CTNNA3: variants seen among roughly 807,000 people sequenced by gnomAD.
CTNNA3 encodes the protein catenin alpha-3.
CTNNA3 carries 76 observed loss-of-function variants against 95.7 expected under a neutral mutation model. The observed-to-expected ratio is 0.79, with a 90% CI of 0.66 to 0.96. The LOEUF (loss-of-function observed/expected upper bound fraction) is 0.96. CTNNA3 is among the 40% of genes least tolerant of loss of function. The pLI is 0.00. For missense variants in CTNNA3, 1,191 were observed against 1,089.8 expected (o/e 1.09, Z -1.31); for synonymous variants, 431 against 374.4 (o/e 1.15, Z -1.74).
intron 1 of CTNNA3, among the ~76,000 whole-genome samples, chr10:67,738,637 C>T (rs1173445166): frequency 6.6e-6 from 1 of 151,842 alleles, no homozygotes; most frequent in East Asian, 1.9e-4. Flanking sequence ...GATCAAACTA[C>T]TCTGAGCTAA....
chr10:65,946,239 C>G (rs1026270877), intron 17 of CTNNA3, among the ~76,000 whole-genome samples: 3 of 152,050 alleles, frequency 2.0e-5, no homozygotes, highest in African/African-American at 7.2e-5. Context: ...CATTAATAAG[C>G]ACTCATTTTC....
chr10:66,567,938 G>A (rs746913091), intron 10 of CTNNA3, among the ~76,000 whole-genome samples: 30 of 152,180 alleles, frequency 2.0e-4, no homozygotes, highest in Non-Finnish European at 3.4e-4. Context: ...TGTTATAACT[G>A]ACACAGTTGC....
intron 17 of CTNNA3, among the ~76,000 whole-genome samples, chr10:65,957,746 G>A (rs959175261): frequency 4.6e-5 from 7 of 152,290 alleles, no homozygotes; most frequent in Non-Finnish European, 8.8e-5. Context: ...AGTTTCTGCC[G>A]AGAGATCTGC....
intron 1 of CTNNA3, among the ~76,000 whole-genome samples, chr10:67,656,955 C>T (rs763273022): frequency 3.3e-5 from 5 of 152,178 alleles, no homozygotes; most frequent in Middle Eastern, 3.4e-3. Context: ...GTGAATAGAA[C>T]GAAGTACGAA....
At chr10:65,960,172 A>T (rs549743925) in intron 17 of CTNNA3, among the ~76,000 whole-genome samples, 1 of 152,304 alleles carries the variant, frequency 6.6e-6, no homozygotes, top group South Asian at 2.1e-4. Context: ...TCAACCTTTC[A>T]TTCATTTCTA....
intron 5 of CTNNA3, among the ~76,000 whole-genome samples, chr10:67,325,553 T>C (rs1276240863): frequency 5.3e-5 from 8 of 152,200 alleles, no homozygotes; most frequent in Admixed American, 3.3e-4. Context: ...AGTGAATTTG[T>C]TAGTCTTGAT....
At chr10:65,972,799 C>T (rs190942207) in intron 16 of CTNNA3, among the ~76,000 whole-genome samples, 2 of 151,806 alleles carry the variant, frequency 1.3e-5, no homozygotes, top group East Asian at 3.9e-4. Flanking sequence ...CAATGCTATT[C>T]CTATCAAGCA....
At chr10:67,625,575 T>G (rs1838923855) in intron 2 of CTNNA3, among the ~76,000 whole-genome samples, 1 of 152,220 alleles carries the variant, frequency 6.6e-6, no homozygotes, top group African/African-American at 2.4e-5. Flanking sequence ...AAAAGAAAAC[T>G]TTTTAGAGAG....
intron 5 of CTNNA3, among the ~76,000 whole-genome samples, chr10:67,293,463 T>G (rs1054649763): frequency 2.6e-5 from 4 of 152,236 alleles, no homozygotes; most frequent in Non-Finnish European, 4.4e-5. Context: ...TACTTATGAC[T>G]GGAACATGTT....
chr10:66,625,126 A>C (rs1844888063), intron 9 of CTNNA3, among the ~76,000 whole-genome samples: 1 of 152,210 alleles, frequency 6.6e-6, no homozygotes, highest in African/African-American at 2.4e-5. Context: ...AGAAGTCTTC[A>C]AACAGGGATA....
intron 7 of CTNNA3, among the ~76,000 whole-genome samples, chr10:67,011,495 G>A (rs112382690): frequency 0.014 from 2,135 of 152,252 alleles, 45 homozygotes; most frequent in African/African-American, 0.043. Context: ...GTGCTGCATT[G>A]TCTTTCTGGA....
intron 13 of CTNNA3, among the ~76,000 whole-genome samples, chr10:66,192,637 G>C (rs2086742157): frequency 6.6e-6 from 1 of 152,058 alleles, no homozygotes; most frequent in African/African-American, 2.4e-5. Flanking sequence ...CCCATTTCTA[G>C]TTTCACTACC....
At chr10:66,371,800 C>T (rs1030375631) in intron 12 of CTNNA3, among the ~76,000 whole-genome samples, 1 of 152,124 alleles carries the variant, frequency 6.6e-6, no homozygotes, top group Non-Finnish European at 1.5e-5. Context: ...CAGGTACTCA[C>T]CCCTATGCAT....
rs535888156 is a variant in CTNNA3, at chr10:67,491,404, C to A, written c.579+30438G>T. 3.3e-5 allele frequency among the ~76,000 whole-genome samples: 5 copies of A among 152,244 alleles called. No individual in the cohort carries two copies. The South Asian group carries it at 1.0e-3, about 32-fold the overall frequency. ...AGAAGGAGAAACACATACAGTATGA[C>A]AAGTGATGGGATAAAAGTATACAGG... On this transcript the variant is annotated intron_variant, in intron 5 of 17. Coordinates refer to ENST00000433211, the MANE Select transcript of CTNNA3 (RefSeq NM_013266.4).
chr10:67,240,909 T>C (rs1177010220), intron 5 of CTNNA3, among the ~76,000 whole-genome samples: 1 of 152,174 alleles, frequency 6.6e-6, no homozygotes, highest in Non-Finnish European at 1.5e-5. Context: ...CTGAAGCAAA[T>C]ACAATATGTA....
At chr10:66,107,763 A>T (rs2081964717) in intron 13 of CTNNA3, among the ~76,000 whole-genome samples, 1 of 152,108 alleles carries the variant, frequency 6.6e-6, no homozygotes, top group Admixed American at 6.5e-5. Context: ...AATATTTAAT[A>T]TTAAAATACA....
At chr10:67,482,465 G>A (rs1377502379) in intron 5 of CTNNA3, among the ~76,000 whole-genome samples, 44 of 151,742 alleles carry the variant, frequency 2.9e-4, no homozygotes, top group Non-Finnish European at 4.6e-4. Context: ...GGTCCTTCAC[G>A]TCCCTTGTAA....
At chr10:66,721,977 C>T (rs1848641406) in intron 9 of CTNNA3, among the ~76,000 whole-genome samples, 1 of 152,150 alleles carries the variant, frequency 6.6e-6, no homozygotes, top group Non-Finnish European at 1.5e-5. Flanking sequence ...GTTTCAAGAG[C>T]ATGGATCATG....
At chr10:67,416,696 A>G (rs2132854969) in intron 5 of CTNNA3, among the ~76,000 whole-genome samples, 1 of 152,156 alleles carries the variant, frequency 6.6e-6, no homozygotes, top group East Asian at 1.9e-4. Flanking sequence ...AAACATATGA[A>G]AAAATACTCC....
Sources: allele counts gnomAD v4.1 joint callset (sites outside exome capture counted in the v4.1 genomes callset), GRCh38; gene constraint gnomAD v4.1.1; transcripts MANE v1.5; gene names NCBI Gene and HGNC (gene_info 2026-07-23, HGNC 2026-07-21).